Variants in MACROD2 observed in about 807,000 individuals in gnomAD.
MACROD2 encodes the protein mono-ADP ribosylhydrolase 2, also known as ADP-ribose glycohydrolase MACROD2.
Under a neutral mutation model 70.4 loss-of-function variants are expected in MACROD2, and 36 were observed. The ratio of observed to expected loss-of-function variants is 0.51; its 90% CI spans 0.39 to 0.68. MACROD2 has a LOEUF of 0.68. Ranked by LOEUF, MACROD2 falls within the 30% of genes least tolerant of loss-of-function variation. MACROD2 has a pLI of 0.00. For synonymous variants in MACROD2, 172 were observed against 178.8 expected (o/e 0.96, Z 0.30); for missense variants, 496 against 538.4 (o/e 0.92, Z 0.78).
chr20:14,136,997 T>C (rs1268790985), intron 3 of MACROD2, among the ~76,000 whole-genome samples: 1 of 152,198 alleles, frequency 6.6e-6, no homozygotes, highest in East Asian at 1.9e-4. Context: ...TATTGAGCAC[T>C]TGAAACATAG....
rs1414858086 is a variant in MACROD2 at position 14,518,518 on chromosome 20, A to G, written c.301+25010A>G. Among the ~76,000 whole-genome samples, 3 of 152,170 alleles carry G rather than the reference A, an allele frequency of 2.0e-5. No individual in the cohort carries two copies. In the East Asian group the frequency reaches 5.8e-4, roughly 29 times the overall value. The stretch of plus-strand genomic sequence containing the variant: ...GGTGTTTGCTGTTGGACTTTCATAA[A>G]TAGTCTTTAAGATGAATCTTCCTAT... On this transcript the variant is annotated intron_variant, in intron 4 of 17. Transcript: ENST00000684519.
At chr20:14,083,630 T>G (rs1392620391) in intron 2 of MACROD2, among the ~76,000 whole-genome samples, 1 of 152,142 alleles carries the variant, frequency 6.6e-6, no homozygotes, top group East Asian at 1.9e-4. Flanking sequence ...CTGGCAGAGA[T>G]AAATAGTACT....
chr20:14,425,958 AGTTTTTTTCCTCAGT>A (rs1265268307), intron 3 of MACROD2, among the ~76,000 whole-genome samples: 8 of 152,144 alleles, frequency 5.3e-5, no homozygotes. Context: ...CTAGATTGAA[AGTTTTTTTCCTCAGT>A]GTTTTGAAAG....
At chr20:15,566,752 A>G (rs2048315903) in intron 8 of MACROD2, among the ~76,000 whole-genome samples, 1 of 152,210 alleles carries the variant, frequency 6.6e-6, no homozygotes, top group Admixed American at 6.5e-5. Context: ...GTGAATAAGC[A>G]TCACTCTGAA....
At chr20:14,205,725 A>G (rs933728152) in intron 3 of MACROD2, among the ~76,000 whole-genome samples, 2 of 152,140 alleles carry the variant, frequency 1.3e-5, no homozygotes, top group Non-Finnish European at 2.9e-5. Context: ...TGTCTCTGTC[A>G]CTACCATTTG....
At chr20:14,679,808 A>G (rs973977331) in intron 4 of MACROD2, among the ~76,000 whole-genome samples, 1 of 152,154 alleles carries the variant, frequency 6.6e-6, no homozygotes, top group Non-Finnish European at 1.5e-5. Context: ...AAAGTGTGGT[A>G]TGTAGTTCCA....
At chr20:15,634,855 C>T (rs2049341025) in intron 8 of MACROD2, among the ~76,000 whole-genome samples, 1 of 152,188 alleles carries the variant, frequency 6.6e-6, no homozygotes, top group East Asian at 1.9e-4. Flanking sequence ...CAATTAGATG[C>T]ACTTGAATGA....
chr20:14,763,749 T>C (rs1391389190), intron 5 of MACROD2, among the ~76,000 whole-genome samples: 1 of 152,056 alleles, frequency 6.6e-6, no homozygotes, highest in Non-Finnish European at 1.5e-5. Flanking sequence ...ACCACTTCTG[T>C]TTTGAGCAGC....
At chr20:15,085,493 A>G (rs1280014531) in intron 5 of MACROD2, among the ~76,000 whole-genome samples, 1 of 152,152 alleles carries the variant, frequency 6.6e-6, no homozygotes, top group Non-Finnish European at 1.5e-5. Flanking sequence ...AATGATATGT[A>G]TGATAAGGGT....
chr20:14,753,169 G>C (rs1353579688), intron 5 of MACROD2, among the ~76,000 whole-genome samples: 1 of 152,030 alleles, frequency 6.6e-6, no homozygotes, highest in Non-Finnish European at 1.5e-5. Context: ...AAATGAAGCA[G>C]GTTCTTCCAG....
intron 8 of MACROD2, among the ~76,000 whole-genome samples, chr20:15,795,195 G>C (rs969877252): frequency 6.6e-6 from 1 of 152,102 alleles, no homozygotes; most frequent in Non-Finnish European, 1.5e-5. Context: ...TTGTTGTGAC[G>C]AGTTATAAGA....
intron 5 of MACROD2, among the ~76,000 whole-genome samples, chr20:15,171,512 A>G (rs2076422251): frequency 6.6e-6 from 1 of 151,770 alleles, no homozygotes; most frequent in South Asian, 2.1e-4. Flanking sequence ...ACAAGATTCA[A>G]TAAGCTCTTT....
intron 5 of MACROD2, among the ~76,000 whole-genome samples, chr20:15,138,452 G>A (rs561958606): frequency 4.6e-5 from 7 of 152,218 alleles, no homozygotes; most frequent in East Asian, 3.9e-4. Flanking sequence ...GGTCTCCAGT[G>A]TAAAATTCAA....
chr20:15,840,574 A>G (rs937192568), intron 8 of MACROD2, among the ~76,000 whole-genome samples: 7 of 152,202 alleles, frequency 4.6e-5, no homozygotes, highest in Admixed American at 1.3e-4. Context: ...ACCTATATCT[A>G]CTTCCACAGA....
intron 5 of MACROD2, among the ~76,000 whole-genome samples, chr20:14,709,334 G>A (rs187126323): frequency 2.6e-5 from 4 of 152,040 alleles, no homozygotes; most frequent in East Asian, 3.9e-4. Context: ...AGAGGGGCAC[G>A]AAGTCTGTGG....
intron 6 of MACROD2, among the ~76,000 whole-genome samples, chr20:15,402,533 C>T (rs182948074): frequency 6.6e-6 from 1 of 152,156 alleles, no homozygotes; most frequent in South Asian, 2.1e-4. Flanking sequence ...TTCCATTCAT[C>T]TCTTTGAGAT....
At chr20:14,777,572 C>T (rs2072249652) in intron 5 of MACROD2, among the ~76,000 whole-genome samples, 2 of 151,660 alleles carry the variant, frequency 1.3e-5, no homozygotes, top group South Asian at 4.2e-4. Flanking sequence ...GAAAGCAGCC[C>T]GATTCATATA....
intron 3 of MACROD2, among the ~76,000 whole-genome samples, chr20:14,173,174 T>A (rs2081237301): frequency 6.6e-6 from 1 of 152,222 alleles, no homozygotes; most frequent in African/African-American, 2.4e-5. Flanking sequence ...TGTATTTGGA[T>A]GTCCAGATCT....
intron 3 of MACROD2, among the ~76,000 whole-genome samples, chr20:14,163,428 G>T (rs976200805): frequency 7.2e-5 from 11 of 152,172 alleles, no homozygotes; most frequent in Admixed American, 1.3e-4. Context: ...GTGCTGTGGA[G>T]AAGTCCCTTT....
Sources: gnomAD v4.1 joint callset for allele counts (sites outside exome capture counted in the v4.1 genomes callset) on GRCh38, gnomAD v4.1.1 for gene constraint, MANE v1.5 for transcripts, NCBI Gene and HGNC (gene_info 2026-07-23, HGNC 2026-07-21) for gene names.